The following ARIH1 variants were observed in gnomAD, a reference collection of about 807,000 sequenced individuals.
ARIH1 encodes the protein E3 ubiquitin-protein ligase ARIH1.
Under a neutral mutation model 85.0 loss-of-function variants are expected in ARIH1, and 8 were observed. The observed-to-expected ratio is 0.09, with a 90% confidence interval of 0.06 to 0.17. ARIH1 has a LOEUF of 0.17. ARIH1 is among the 10% of genes least tolerant of loss of function. ARIH1 has a pLI of 1.00. For missense variants in ARIH1, 311 were observed against 718.1 expected, an observed-to-expected ratio of 0.43 and a Z score of 6.48; for synonymous variants, 238 against 253.6, an observed-to-expected ratio of 0.94 and a Z score of 0.59.
intron 5 of ARIH1, among the ~76,000 whole-genome samples, chr15:72,557,111 A>AT (rs2064177739): frequency 6.6e-6 from 1 of 151,890 alleles, no homozygotes; most frequent in Admixed American, 6.6e-5. Context: ...TTTTAAAATT[A>AT]TTTTTTGTTT....
At chr15:72,570,373 T>TA in intron 10 of ARIH1, 66 bp downstream of exon 10, 1 of 1,584,066 alleles carries the variant, frequency 6.3e-7, no homozygotes, top group Non-Finnish European at 8.6e-7. Context: ...ATGAATAACA[T>TA]TTCTACCTCA....
intron 1 of ARIH1, chr15:72,496,914 T>G: frequency 2.2e-6 from 2 of 925,946 alleles, no homozygotes; most frequent in Non-Finnish European, 2.6e-6. Context: ...ACACACATAC[T>G]TACACACAGA....
At chr15:72,496,224 C>T (rs2063879442) in intron 1 of ARIH1, among the ~76,000 whole-genome samples, 1 of 152,190 alleles carries the variant, frequency 6.6e-6, no homozygotes, top group Admixed American at 6.5e-5. Context: ...ATATAAATGT[C>T]TTACTATTAT....
chr15:72,507,252 G>C (rs1035933278), intron 1 of ARIH1, among the ~76,000 whole-genome samples: 2 of 152,102 alleles, frequency 1.3e-5, no homozygotes, highest in African/African-American at 4.8e-5. Flanking sequence ...CTCGAACTCT[G>C]ACCTCAAGTG....
At position 72,486,420 on chromosome 15, in the gene ARIH1, T is replaced by C. The variant is rs957988457; in HGVS notation, c.375+11406T>C. Among the ~76,000 whole-genome samples the C allele has an allele frequency of 2.6e-5, 4 of 152,098 alleles. 1 individual carries two copies. Among genetic ancestry groups the C allele is most frequent in the Admixed American group, 1.3e-4 (2 of 15,278 alleles). ...GGCTGGTCACTTCACTGTTACCAGA[T>C]TGAAAAAACATAGCATGTATAAGTT... On this transcript the variant is annotated intron_variant, in intron 1 of 13. Transcript: ENST00000379887.
intron 2 of ARIH1, among the ~76,000 whole-genome samples, chr15:72,533,294 TG>T (rs2064066371): frequency 6.6e-6 from 1 of 152,146 alleles, no homozygotes; most frequent in Non-Finnish European, 1.5e-5. Flanking sequence ...CAAGCACAGC[TG>T]ATTTTTGTAT....
At chr15:72,557,544 T>G (rs2064179606) in intron 5 of ARIH1, among the ~76,000 whole-genome samples, 1 of 152,186 alleles carries the variant, frequency 6.6e-6, no homozygotes, top group African/African-American at 2.4e-5. Flanking sequence ...CAGAAGCTCA[T>G]TAGTTTAATT....
Position 72,582,331 on chromosome 15 carries a change from G to C in ARIH1, c.1589+144G>C. 2 of 600,238 alleles carry C rather than the reference G, an allele frequency of 3.3e-6. No individual in the cohort carries two copies. Among genetic ancestry groups the C allele is most frequent in the Non-Finnish European group, 6.0e-6 (2 of 334,792 alleles). 37.2% of individuals were successfully genotyped at this position (600,238 alleles called of 1,614,324 possible). A position where few individuals can be genotyped will look rare whatever the true frequency, so the allele number is the denominator to read the frequency against. On this transcript the variant is annotated intron_variant, in intron 13 of 13. Transcript: ENST00000379887. This position sits in a 1 kb window ranked among gnomAD's most constrained non-coding sequence, Gnocchi z 4.6. ...CTCACAGATTGCTTCTGTCCGTTGG[G>C]CACTAAATTGCAGGTAATAGTATTG...
In ARIH1 at chr15:72,582,568, T is replaced by C. The variant is rs1043663089; in HGVS notation, c.1589+381T>C. ...ACAAATGAGCTATGGAAACTTACTT[T>C]TTAGAGTTTTTATTACATATATATA... is the stretch of plus-strand genomic sequence containing the variant. On this transcript the variant is annotated intron_variant, in intron 13 of 13. Coordinates refer to ENST00000379887, the MANE Select transcript of ARIH1 (RefSeq NM_005744.5). This position sits in a 1 kb window ranked among gnomAD's most constrained non-coding sequence, Gnocchi z 4.6. Among the ~76,000 whole-genome samples the C allele has an allele frequency of 2.0e-5, 3 of 151,600 alleles. No homozygotes were observed. Among genetic ancestry groups the C allele is most frequent in the Non-Finnish European group, 4.4e-5 (3 of 67,962 alleles).
chr15:72,507,689 A>G (rs1445567861), intron 1 of ARIH1, among the ~76,000 whole-genome samples: 5 of 152,162 alleles, frequency 3.3e-5, no homozygotes, highest in Admixed American at 3.3e-4. Context: ...AAATAAATAA[A>G]TAACAGTCAA....
Position 72,479,511 on chromosome 15 carries a change from C to T in ARIH1, c.375+4497C>T, listed in dbSNP as rs145344857. Among the ~76,000 whole-genome samples, 16 of 151,458 alleles carry T rather than the reference C, an allele frequency of 1.1e-4. No homozygotes were observed. The East Asian group carries it at 1.2e-3, about 11-fold the overall frequency. On this transcript the variant is annotated intron_variant, in intron 1 of 13. Coordinates refer to ENST00000379887, the MANE Select transcript of ARIH1 (RefSeq NM_005744.5). ...GCAACCTCTGCCTCCTGGGTTCAAGCGATTCTCCTGCCTCAGCCTCCTGAG... is the reference window on the plus strand; with the variant it reads ...GCAACCTCTGCCTCCTGGGTTCAAGTGATTCTCCTGCCTCAGCCTCCTGAG...
intron 11 of ARIH1, among the ~76,000 whole-genome samples, chr15:72,574,144 C>A (rs139049332): frequency 6.6e-6 from 1 of 152,004 alleles, no homozygotes; most frequent in Non-Finnish European, 1.5e-5. Context: ...ATTTGGATGC[C>A]GGTAGAATCC....
Position 72,535,097 on chromosome 15 carries a change from G to A in ARIH1, c.444-9723G>A, listed in dbSNP as rs932110889. Among the ~76,000 whole-genome samples the A allele has an allele frequency of 4.7e-5, 7 of 150,346 alleles. No individual in the cohort carries two copies. In the East Asian group the frequency reaches 9.8e-4, roughly 21 times the overall value. On this transcript the variant is annotated intron_variant, in intron 2 of 13. Transcript: ENST00000379887. ...CTCCCGAGTAGCTGGGACTACAGGC[G>A]CCCGCCACCTCGCCCGGCTAATTTT...
chr15:72,580,998 G>A lies in ARIH1; in HGVS notation c.1476+7G>A, dbSNP rs762000275. 1.9e-6 allele frequency: 3 copies of A among 1,608,924 alleles called. No individual in the cohort carries two copies. Among genetic ancestry groups the A allele is most frequent in the Admixed American group, 1.7e-5 (1 of 59,780 alleles). ...CCAGTCCATTATCTTTGAGGTAGGA[G>A]TAGTTCTGGGTGAGGAAAAAGCCCA... On this transcript the variant is annotated splice_region_variant and intron_variant, in intron 12 of 13. Coordinates refer to ENST00000379887, the MANE Select transcript of ARIH1 (RefSeq NM_005744.5).
rs1322561141 is a variant in ARIH1 at position 72,589,748 on chromosome 15, T to C, written c.*6456T>C. On this transcript the variant is annotated 3_prime_UTR_variant, in exon 14 of 14. Coordinates refer to ENST00000379887, the MANE Select transcript of ARIH1 (RefSeq NM_005744.5). ...CTGAAGTTTTAATTTTTTAAATACATGTAATGAATTGGTATATGGTAGATA... is the reference window on the plus strand; with the variant it reads ...CTGAAGTTTTAATTTTTTAAATACACGTAATGAATTGGTATATGGTAGATA... 1 of 152,246 alleles carries C rather than the reference T, an allele frequency of 6.6e-6. No homozygotes were observed. Among genetic ancestry groups the C allele is most frequent in the Non-Finnish European group, 1.5e-5 (1 of 68,044 alleles). 9.4% of individuals were successfully genotyped at this position (152,246 alleles called of 1,614,324 possible). A position where few individuals can be genotyped will look rare whatever the true frequency, so the allele number is the denominator to read the frequency against.
At chr15:72,517,991 C>T (rs2063982709) in intron 1 of ARIH1, 76 bp from the exon 2 acceptor site, 4 of 1,107,972 alleles carry the variant, frequency 3.6e-6, no homozygotes, top group African/African-American at 1.6e-5. Context: ...GGAAATTTAA[C>T]TTCAACCTAG....
intron 11 of ARIH1, among the ~76,000 whole-genome samples, chr15:72,575,656 A>G (rs1166177872): frequency 1.3e-5 from 2 of 151,862 alleles, no homozygotes; most frequent in Admixed American, 6.6e-5. Flanking sequence ...TTCTTAGATT[A>G]AGTCAAGTCC....
chr15:72,480,122 G>T (rs1312036437), intron 1 of ARIH1, among the ~76,000 whole-genome samples: 1 of 151,988 alleles, frequency 6.6e-6, no homozygotes, highest in Non-Finnish European at 1.5e-5. Flanking sequence ...GCCCACCTCG[G>T]CCTGCCAAAG....
At chr15:72,498,405 A>G (rs1018093997) in intron 1 of ARIH1, among the ~76,000 whole-genome samples, 8 of 152,128 alleles carry the variant, frequency 5.3e-5, no homozygotes, top group South Asian at 2.1e-4. Flanking sequence ...CAGTTTTCCT[A>G]TTGTTGGACA....
Sources: allele counts gnomAD v4.1 joint callset (sites outside exome capture counted in the v4.1 genomes callset), GRCh38; gene constraint gnomAD v4.1.1; non-coding constraint Gnocchi (gnomAD v3.1); transcripts MANE v1.5; gene names NCBI Gene and HGNC (gene_info 2026-07-23, HGNC 2026-07-21).